Variants in NSG2 observed in about 807,000 individuals in gnomAD.
NSG2 encodes the protein neuronal vesicle trafficking associated 2, also known as neuronal vesicle trafficking-associated protein 2.
In NSG2, 4 loss-of-function variants were observed where a neutral mutation model predicts 16.9. That is an observed-to-expected ratio of 0.24 (90% CI 0.12 to 0.54). The LOEUF (loss-of-function observed/expected upper bound fraction) is 0.54, where lower values mean the gene tolerates loss of function less well. Ranked by LOEUF, NSG2 falls within the 20% of genes least tolerant of loss-of-function variation. NSG2 has a pLI of 0.95. For missense variants in NSG2, 179 were observed against 221.1 expected (o/e 0.81, Z 1.21); for synonymous variants, 98 against 88.7 (o/e 1.11, Z -0.59).
At chr5:174,049,207 G>T (rs1280507567) in intron 2 of NSG2, among the ~76,000 whole-genome samples, 1 of 152,144 alleles carries the variant, frequency 6.6e-6, no homozygotes, top group East Asian at 1.9e-4. Context: ...GGGCGTGGTG[G>T]TGGGTGCCTG....
intron 3 of NSG2, among the ~76,000 whole-genome samples, chr5:174,076,316 G>A (rs1375606264): frequency 2.1e-5 from 3 of 145,572 alleles, no homozygotes; most frequent in Non-Finnish European, 4.6e-5. Context: ...GGGAGGGTAG[G>A]TGTTTTCATA....
In NSG2 at chr5:174,053,524, C is replaced by T. The variant is rs552384330; in HGVS notation, c.129+6640C>T. On this transcript the variant is annotated intron_variant, in intron 2 of 4. Coordinates refer to ENST00000303177, the MANE Select transcript of NSG2 (RefSeq NM_015980.5). Reference sequence around the variant, plus strand: ...TTTCCGCAGTGTTTCTTTTTCTCTCCGAGACACAGGATATGAGAAACATAG... The same window carrying T: ...TTTCCGCAGTGTTTCTTTTTCTCTCTGAGACACAGGATATGAGAAACATAG... Among the ~76,000 whole-genome samples, 230 of 152,122 alleles carry T rather than the reference C, an allele frequency of 1.5e-3. 4 individuals carry two copies. The highest frequency in any genetic ancestry group is 0.014 in the Admixed American group (214 of 15,278).
rs193192438 is a variant in NSG2, at chr5:174,047,934, G to A, written c.129+1050G>A. Reference sequence around the variant, plus strand: ...TCTGTTTGATTTCCCATTGGCATCTGCAGGAGGGCATTGTGTGTCTTAACC... The same window carrying A: ...TCTGTTTGATTTCCCATTGGCATCTACAGGAGGGCATTGTGTGTCTTAACC... On this transcript the variant is annotated intron_variant, in intron 2 of 4. Coordinates refer to ENST00000303177, the MANE Select transcript of NSG2 (RefSeq NM_015980.5). Among the ~76,000 whole-genome samples, 3 of 152,224 alleles carry A rather than the reference G, an allele frequency of 2.0e-5. No homozygotes were observed. The South Asian group carries it at 6.2e-4, about 32-fold the overall frequency.
intron 2 of NSG2, among the ~76,000 whole-genome samples, chr5:174,057,695 C>T (rs528543767): frequency 2.0e-5 from 3 of 152,316 alleles, no homozygotes; most frequent in South Asian, 4.1e-4. Flanking sequence ...CTTCAAGGTG[C>T]CTAGCATGGC....
rs35746227 is a variant in NSG2, at chr5:174,091,644, G to GGTGTGTGTGT, written c.214-12551_214-12542dup. 7.2e-4 allele frequency among the ~76,000 whole-genome samples: 101 copies of GGTGTGTGTGT among 139,700 alleles called. 1 individual carries two copies. The highest frequency in any genetic ancestry group is 2.0e-3 in the African/African-American group (75 of 37,654). The allele number at this position is 139,700 out of a possible 152,430, so 91.6% of individuals were successfully genotyped here. On this transcript the variant is annotated intron_variant, in intron 3 of 4. Coordinates refer to ENST00000303177, the MANE Select transcript of NSG2 (RefSeq NM_015980.5). ...CCTAGAACTTTCAGGAACTAGGACT[G>GGTGTGTGTGT]GTGTGTGTGTGTGTGTGTGTGTGTG...
At chr5:174,083,264 G>T (rs899571954) in intron 3 of NSG2, among the ~76,000 whole-genome samples, 2 of 152,236 alleles carry the variant, frequency 1.3e-5, no homozygotes, top group Non-Finnish European at 2.9e-5. Flanking sequence ...GAAGGGCTAG[G>T]CATTCAGCTT....
intron 3 of NSG2, among the ~76,000 whole-genome samples, chr5:174,097,986 C>G (rs1760833767): frequency 6.6e-6 from 1 of 152,054 alleles, no homozygotes; most frequent in African/African-American, 2.4e-5. Flanking sequence ...GTGCGACTCG[C>G]TTGCTGCCCG....
At chr5:174,048,315 GTC>G (rs1226536871) in intron 2 of NSG2, among the ~76,000 whole-genome samples, 3 of 152,196 alleles carry the variant, frequency 2.0e-5, no homozygotes, top group Admixed American at 1.3e-4. Flanking sequence ...TTGTATCAGA[GTC>G]TCTGAGAGTG....
intron 4 of NSG2, among the ~76,000 whole-genome samples, chr5:174,105,848 C>T (rs775227799): frequency 3.3e-5 from 5 of 152,142 alleles, no homozygotes; most frequent in Non-Finnish European, 7.4e-5. Context: ...TGTAGTGAGC[C>T]GAGGCCGCGC....
intron 4 of NSG2, 54 bp downstream of exon 4, chr5:174,104,392 A>G: frequency 8.0e-7 from 1 of 1,257,042 alleles, no homozygotes; most frequent in East Asian, 2.3e-5. Context: ...TAGAGGGTTG[A>G]TCAATGTCTT....
intron 3 of NSG2, chr5:174,066,084 A>G (rs1018128739): frequency 1.0e-4 from 39 of 388,496 alleles, no homozygotes; most frequent in Non-Finnish European, 1.9e-4. Flanking sequence ...GCAGCTGCGT[A>G]TGTGGCCCAG....
rs554759647 is a variant in NSG2, at chr5:174,097,831, CTT to C, written c.214-6395_214-6394del. Among the ~76,000 whole-genome samples the C allele has an allele frequency of 4.5e-3, 667 of 148,882 alleles. 3 individuals carry two copies. Among genetic ancestry groups the C allele is most frequent in the Middle Eastern group, 6.9e-3 (2 of 288 alleles). ...TGTAACTGTGTGTGTGAGTGTGTCT[CTT>C]TGTGTGTGTCTGTGTGTGTGTGTGT... On this transcript the variant is annotated intron_variant, in intron 3 of 4. Coordinates refer to ENST00000303177, the MANE Select transcript of NSG2 (RefSeq NM_015980.5).
chr5:174,073,775 A>G (rs944589404), intron 3 of NSG2, among the ~76,000 whole-genome samples: 1 of 152,218 alleles, frequency 6.6e-6, no homozygotes, highest in African/African-American at 2.4e-5. Context: ...CCCCATCGCA[A>G]AAGGATGGGC....
chr5:174,067,913 A>T lies in NSG2; in HGVS notation c.213+3598A>T, dbSNP rs147908050. On this transcript the variant is annotated intron_variant, in intron 3 of 4. Coordinates refer to ENST00000303177, the MANE Select transcript of NSG2 (RefSeq NM_015980.5). The stretch of plus-strand genomic sequence containing the variant: ...GCCACTGAGGTAGGGAGCTGGGGGG[A>T]TGCTCTGAGTGTGAGGTGCCTGGAG... 9.4e-3 allele frequency among the ~76,000 whole-genome samples: 1,427 copies of T among 151,654 alleles called. 23 individuals are homozygous for T. Among genetic ancestry groups the T allele is most frequent in the African/African-American group, 0.028 (1,175 of 41,276 alleles).
At chr5:174,071,631 A>G (rs1760243847) in intron 3 of NSG2, among the ~76,000 whole-genome samples, 1 of 152,214 alleles carries the variant, frequency 6.6e-6, no homozygotes. Flanking sequence ...TCACCGATCC[A>G]TTCCACTCTT....
rs150888870 is a variant in NSG2, at chr5:174,052,087, G to A, written c.129+5203G>A. Among the ~76,000 whole-genome samples the A allele has an allele frequency of 4.7e-3, 716 of 152,330 alleles. 5 individuals are homozygous for A. The highest frequency in any genetic ancestry group is 0.016 in the African/African-American group (679 of 41,574). On this transcript the variant is annotated intron_variant, in intron 2 of 4. Coordinates refer to ENST00000303177, the MANE Select transcript of NSG2 (RefSeq NM_015980.5). ...TGAGCCACCCTAGGGACAAGGGACA[G>A]GTTCAGTCTCATGCTTGGTCTTCTG... is the stretch of plus-strand genomic sequence containing the variant.
At chr5:174,090,305 T>C (rs1760701680) in intron 3 of NSG2, among the ~76,000 whole-genome samples, 1 of 152,182 alleles carries the variant, frequency 6.6e-6, no homozygotes, top group Non-Finnish European at 1.5e-5. Flanking sequence ...CGTCTCCCAG[T>C]GGAGTCATGG....
At chr5:174,063,524 T>C (rs1198637460) in intron 2 of NSG2, among the ~76,000 whole-genome samples, 6 of 15,170 alleles carry the variant, frequency 4.0e-4, no homozygotes, top group Non-Finnish European at 6.9e-4. Context: ...TAACTTTCTA[T>C]TTTATTTTAT....
chr5:174,054,383 C>T (rs1356040148), intron 2 of NSG2, among the ~76,000 whole-genome samples: 2 of 152,016 alleles, frequency 1.3e-5, no homozygotes, highest in Non-Finnish European at 2.9e-5. Flanking sequence ...GAATTTTATT[C>T]ATCTGTTTTT....
Sources: allele counts gnomAD v4.1 joint callset (sites outside exome capture counted in the v4.1 genomes callset), GRCh38; gene constraint gnomAD v4.1.1; transcripts MANE v1.5; gene names NCBI Gene and HGNC (gene_info 2026-07-23, HGNC 2026-07-21).